The following PLXDC2 variants were observed in gnomAD, a reference collection of about 807,000 sequenced individuals.
PLXDC2 encodes the protein plexin domain containing 2.
In PLXDC2, 40 loss-of-function variants were observed where a neutral mutation model predicts 68.9. That is an observed-to-expected ratio of 0.58 (90% CI 0.45 to 0.76). The LOEUF (loss-of-function observed/expected upper bound fraction) is 0.76. Ranked by LOEUF, PLXDC2 falls within the 30% of genes least tolerant of loss-of-function variation. The pLI is 0.00. For synonymous variants in PLXDC2, 243 were observed against 234.2 expected, an observed-to-expected ratio of 1.04 and a Z score of -0.34; for missense variants, 644 against 661.9, an observed-to-expected ratio of 0.97 and a Z score of 0.30.
At chr10:19,892,686 A>G (rs536129317) in intron 1 of PLXDC2, among the ~76,000 whole-genome samples, 6 of 152,222 alleles carry the variant, frequency 3.9e-5, no homozygotes, top group Non-Finnish European at 8.8e-5. Context: ...AAATAAAGGT[A>G]GACTTCTTAT....
At chr10:20,032,192 A>C (rs1835511201) in intron 2 of PLXDC2, among the ~76,000 whole-genome samples, 1 of 152,212 alleles carries the variant, frequency 6.6e-6, no homozygotes, top group Admixed American at 6.5e-5. Flanking sequence ...CAATGTTTTA[A>C]AGGAACTTAG....
chr10:20,138,869 T>G (rs1202616616), intron 4 of PLXDC2, among the ~76,000 whole-genome samples: 1 of 151,872 alleles, frequency 6.6e-6, no homozygotes, highest in Non-Finnish European at 1.5e-5. Flanking sequence ...GCCAAAATCG[T>G]GCCACTACAC....
At chr10:19,932,148 G>A (rs1464253000) in intron 1 of PLXDC2, among the ~76,000 whole-genome samples, 1 of 152,188 alleles carries the variant, frequency 6.6e-6, no homozygotes, top group Non-Finnish European at 1.5e-5. Flanking sequence ...TGATGACATA[G>A]TGTTCGCTAT....
At chr10:19,974,377 G>A in intron 1 of PLXDC2, among the ~76,000 whole-genome samples, 1 of 152,220 alleles carries the variant, frequency 6.6e-6, no homozygotes, top group East Asian at 1.9e-4. Context: ...AGGGCTGTCA[G>A]CCAGTCTATG....
At chr10:19,917,694 G>C (rs1282014298) in intron 1 of PLXDC2, among the ~76,000 whole-genome samples, 2 of 152,144 alleles carry the variant, frequency 1.3e-5, no homozygotes, top group East Asian at 1.9e-4. Context: ...GTCTCTTAGA[G>C]ACCTTTAATT....
chr10:19,877,722 C>T (rs1175053067), intron 1 of PLXDC2, among the ~76,000 whole-genome samples: 1 of 152,228 alleles, frequency 6.6e-6, no homozygotes, highest in Admixed American at 6.5e-5. Context: ...CGCCTGCCTG[C>T]CTCTGGAGAG....
chr10:20,036,524 A>C (rs1310068009), intron 2 of PLXDC2, among the ~76,000 whole-genome samples: 2 of 152,216 alleles, frequency 1.3e-5, no homozygotes, highest in East Asian at 3.9e-4. Flanking sequence ...TAAACAGTAC[A>C]CAATTTCCAG....
intron 7 of PLXDC2, among the ~76,000 whole-genome samples, chr10:20,176,370 A>G (rs1652116526): frequency 7.1e-6 from 1 of 141,628 alleles, no homozygotes; most frequent in South Asian, 2.3e-4. Flanking sequence ...TAATTAACAC[A>G]TTCATCATCT....
intron 1 of PLXDC2, among the ~76,000 whole-genome samples, chr10:19,869,114 G>A (rs1366033526): frequency 6.6e-6 from 1 of 151,940 alleles, no homozygotes; most frequent in Non-Finnish European, 1.5e-5. Flanking sequence ...CTGTGAAAAG[G>A]GGCTTTGTGC....
intron 13 of PLXDC2, among the ~76,000 whole-genome samples, chr10:20,276,610 A>G (rs917462731): frequency 2.6e-5 from 4 of 152,204 alleles, no homozygotes; most frequent in Admixed American, 6.5e-5. Flanking sequence ...TTAACATTAC[A>G]GTCTGGTTTG....
intron 4 of PLXDC2, among the ~76,000 whole-genome samples, chr10:20,094,745 TG>T (rs1170648665): frequency 6.6e-6 from 1 of 152,330 alleles, no homozygotes; most frequent in East Asian, 1.9e-4. Flanking sequence ...GGGGTATTGT[TG>T]CTGTCGCTAC....
chr10:20,106,547 G>A (rs1301582000), intron 4 of PLXDC2, among the ~76,000 whole-genome samples: 1 of 152,158 alleles, frequency 6.6e-6, no homozygotes, highest in African/African-American at 2.4e-5. Context: ...CCTCTCATTG[G>A]CAATGTGCAT....
intron 4 of PLXDC2, among the ~76,000 whole-genome samples, chr10:20,093,988 T>A (rs181935374): frequency 3.3e-5 from 5 of 152,310 alleles, no homozygotes; most frequent in African/African-American, 9.6e-5. Context: ...TCTTTTAAAT[T>A]CAAGTGAAAT....
chr10:20,184,392 A>G (rs987585632), intron 9 of PLXDC2, among the ~76,000 whole-genome samples: 10 of 148,128 alleles, frequency 6.8e-5, no homozygotes, highest in Non-Finnish European at 1.2e-4. Flanking sequence ...TATATATAAA[A>G]TTGTATACAA....
chr10:20,137,230 G>C (rs1363195908), intron 4 of PLXDC2, among the ~76,000 whole-genome samples: 1 of 152,160 alleles, frequency 6.6e-6, no homozygotes, highest in Non-Finnish European at 1.5e-5. Flanking sequence ...ACAAATATAA[G>C]TGATTCATTG....
intron 11 of PLXDC2, 133 bp downstream of exon 11, chr10:20,217,709 A>C (rs1474888960): frequency 3.5e-5 from 41 of 1,164,134 alleles, no homozygotes; most frequent in Non-Finnish European, 4.4e-5. Flanking sequence ...TTCTTTGGCA[A>C]ACTGGATTTC....
intron 1 of PLXDC2, among the ~76,000 whole-genome samples, chr10:19,883,025 C>A (rs867458725): frequency 6.7e-6 from 1 of 148,210 alleles, no homozygotes; most frequent in Non-Finnish European, 1.5e-5. Context: ...GGCTCGATCT[C>A]GGCTCACTAC....
intron 1 of PLXDC2, among the ~76,000 whole-genome samples, chr10:19,827,790 C>T (rs1589487172): frequency 6.6e-6 from 1 of 152,278 alleles, no homozygotes; most frequent in East Asian, 1.9e-4. Context: ...AACTCCTGAC[C>T]TCAAGTGATC....
intron 3 of PLXDC2, among the ~76,000 whole-genome samples, chr10:20,065,721 A>G (rs985946227): frequency 7.2e-5 from 11 of 152,152 alleles, no homozygotes; most frequent in Admixed American, 3.3e-4. Context: ...GGAGCATGCA[A>G]CCTAGATCCC....
Sources: allele counts gnomAD v4.1 joint callset (sites outside exome capture counted in the v4.1 genomes callset), GRCh38; gene constraint gnomAD v4.1.1; transcripts MANE v1.5; gene names NCBI Gene and HGNC (gene_info 2026-07-23, HGNC 2026-07-21).